MYPN: variants seen among roughly 807,000 people sequenced by gnomAD.
MYPN encodes the protein myopalladin, also known as sarcomeric protein myopalladin, 145 kDa (MYOP).
MYPN carries 63 observed loss-of-function variants against 129.4 expected under a neutral mutation model. That is an observed-to-expected ratio of 0.49 (90% CI 0.40 to 0.60). The LOEUF (loss-of-function observed/expected upper bound fraction) is 0.60. Ranked by LOEUF, MYPN falls within the 20% of genes least tolerant of loss-of-function variation. The probability of loss-of-function intolerance (pLI) is 0.00; values close to 1 mark genes in which losing one functional copy is unlikely to be tolerated. For missense variants in MYPN, 1,596 were observed against 1,635.4 expected (o/e 0.98, Z 0.42); for synonymous variants, 629 against 600.9 (o/e 1.05, Z -0.68).
intron 2 of MYPN, among the ~76,000 whole-genome samples, chr10:68,140,076 G>A (rs2042551632): frequency 6.6e-6 from 1 of 152,182 alleles, no homozygotes; most frequent in South Asian, 2.1e-4. Context: ...CGACATTTGA[G>A]CTGAGGTCTG....
chr10:68,146,610 T>C (rs991970182), intron 4 of MYPN, among the ~76,000 whole-genome samples: 1 of 152,252 alleles, frequency 6.6e-6, no homozygotes, highest in African/African-American at 2.4e-5. Flanking sequence ...CTTATTTACA[T>C]ACAAATCTGG....
intron 1 of MYPN, among the ~76,000 whole-genome samples, chr10:68,093,531 G>A (rs148380759): frequency 1.0e-4 from 15 of 144,824 alleles, no homozygotes; most frequent in Non-Finnish European, 1.5e-4. Context: ...GAGGTCAGCA[G>A]ATCGAGACCA....
chr10:68,114,022 G>C (rs1407239985), intron 1 of MYPN, among the ~76,000 whole-genome samples: 1 of 152,056 alleles, frequency 6.6e-6, no homozygotes, highest in Non-Finnish European at 1.5e-5. Context: ...CTGGAACTTT[G>C]TACCCTTTGA....
intron 12 of MYPN, among the ~76,000 whole-genome samples, chr10:68,176,288 C>T (rs2043226393): frequency 6.6e-6 from 1 of 152,158 alleles, no homozygotes; most frequent in South Asian, 2.1e-4. Flanking sequence ...ATAGACTGAA[C>T]GTTTTCTTAT....
chr10:68,153,624 T>C (rs1441743805), intron 6 of MYPN, among the ~76,000 whole-genome samples: 1 of 152,152 alleles, frequency 6.6e-6, no homozygotes, highest in Non-Finnish European at 1.5e-5. Context: ...GGATAGGCAG[T>C]GGCTCAGATT....
upstream of MYPN, among the ~76,000 whole-genome samples, chr10:68,105,128 G>A (rs1295859006): frequency 6.6e-6 from 1 of 152,092 alleles, no homozygotes; most frequent in African/African-American, 2.4e-5. Context: ...TCACAAATAT[G>A]TTGGAAATAT....
rs759310812 is a variant in MYPN, at chr10:68,143,133, T to C, written c.1078+18T>C. 4.3e-6 allele frequency: 7 copies of C among 1,610,996 alleles called. No individual in the cohort carries two copies. The highest frequency in any genetic ancestry group is 5.9e-6 in the Non-Finnish European group (7 of 1,177,578). On this transcript the variant is annotated intron_variant, in intron 3 of 19. Transcript: ENST00000358913. ...TATAGAAGGTAAAACAAAATGCTCTTGGAGTATGACACTTAATAGTAAGAC... is the reference window on the plus strand; with the variant it reads ...TATAGAAGGTAAAACAAAATGCTCTCGGAGTATGACACTTAATAGTAAGAC...
At position 68,182,417 on chromosome 10, in the gene MYPN, C is replaced by CATAT. The variant is rs374959374; in HGVS notation, c.2704-6482_2704-6479dup. Among the ~76,000 whole-genome samples the CATAT allele has an allele frequency of 9.1e-4, 78 of 86,002 alleles. 1 individual carries two copies. The highest frequency in any genetic ancestry group is 1.4e-3 in the Non-Finnish European group (53 of 37,120). 56.4% of individuals were successfully genotyped at this position (86,002 alleles called of 152,430 possible). On this transcript the variant is annotated intron_variant, in intron 12 of 19. Coordinates refer to ENST00000358913, the MANE Select transcript of MYPN (RefSeq NM_032578.4). Reference sequence around the variant, plus strand: ...ACATATATATAACACATATATATAACATATATATAACACATATATATAACA... The same window carrying CATAT: ...ACATATATATAACACATATATATAACATATATATATATAACACATATATATAACA...
intron 2 of MYPN, among the ~76,000 whole-genome samples, chr10:68,140,843 C>T (rs1018021223): frequency 3.9e-5 from 6 of 152,086 alleles, no homozygotes; most frequent in Non-Finnish European, 7.4e-5. Context: ...AAGGCCAAGG[C>T]GGATGAATCG....
rs751085897 is a variant in MYPN at position 68,121,849 on chromosome 10, G to C, written c.411G>C (p.Arg137Ser). Reference sequence around the variant, plus strand: ...AAGAAAGCCCCCAGGAGGCAAAAAGGCCACAGTATTGTTCTGAAACCCAGT... The same window carrying C: ...AAGAAAGCCCCCAGGAGGCAAAAAGCCCACAGTATTGTTCTGAAACCCAGT... Reference protein sequence around the residue: ...SSKESPQEAKRPQYCSETQSK... With the variant: ...SSKESPQEAKSPQYCSETQSK... Residue 137 changes from arginine to serine, a missense_variant, in exon 2 of 20, where the codon AGG becomes AGC. By Grantham distance (110) the Arg-to-Ser change is moderately radical. Transcript: ENST00000358913. 8 of 1,614,004 alleles carry C rather than the reference G, an allele frequency of 5.0e-6. No individual in the cohort carries two copies. In the East Asian group the frequency reaches 1.6e-4, roughly 31 times the overall value.
In MYPN at chr10:68,118,115, A is replaced by G. The variant is rs1321240358; in HGVS notation, c.-1-3323A>G. ...ATTTATCATAACCATAAACATAAGAACAGGTACATTAACACCTCAATTGGC... is the reference window on the plus strand; with the variant it reads ...ATTTATCATAACCATAAACATAAGAGCAGGTACATTAACACCTCAATTGGC... On this transcript the variant is annotated intron_variant, in intron 1 of 19. Transcript: ENST00000358913. 2.0e-5 allele frequency among the ~76,000 whole-genome samples: 3 copies of G among 152,298 alleles called. No homozygotes were observed. The East Asian group carries it at 5.8e-4, about 29-fold the overall frequency.
intron 10 of MYPN, 55 bp downstream of exon 10, chr10:68,166,721 T>C: frequency 1.9e-6 from 3 of 1,603,036 alleles, no homozygotes; most frequent in Non-Finnish European, 2.6e-6. Context: ...TTCTTGAATC[T>C]GATCTCCTTA....
Position 68,199,571 on chromosome 10 carries a change from A to G in MYPN, c.3489A>G (p.Val1163=). ...GQNSFSLELS[V]VAKEVKKAPV... ...ATTCTTTTAGTCTGGAGCTCTCTGT[A>G]GTAGGTAAGGTTTGCTGCTGGGACC... Residue 1163 remains valine (V), a synonymous_variant, in exon 17 of 20, where the codon GTA becomes GTG. Transcript: ENST00000358913. The G allele has an allele frequency of 6.3e-7, 1 of 1,595,726 alleles. No individual in the cohort carries two copies. The highest frequency in any genetic ancestry group is 8.5e-7 in the Non-Finnish European group (1 of 1,170,602).
intron 1 of MYPN, among the ~76,000 whole-genome samples, chr10:68,118,359 T>C (rs1280597648): frequency 1.3e-5 from 2 of 152,328 alleles, no homozygotes; most frequent in Non-Finnish European, 2.9e-5. Context: ...TTTTTTCATG[T>C]TTTACAGATG....
rs377389861 is a variant in MYPN at position 68,121,719 on chromosome 10, C to G, written c.281C>G (p.Thr94Ser). 5.0e-6 allele frequency: 8 copies of G among 1,614,084 alleles called. No homozygotes were observed. Among genetic ancestry groups the G allele is most frequent in the Non-Finnish European group, 6.8e-6 (8 of 1,180,034 alleles). ...GACCCTTTGGAGAAGGCAGATGAAA[C>G]TCAAGCTAGAAAACGACTTTCTCCT... The part of the protein sequence containing the change: ...NYDPLEKADE[T>S]QARKRLSPDQ... The change falls in exon 2 of 20, where the codon ACT becomes AGT. Residue 94 changes from threonine to serine, a missense_variant. Thr to Ser is a moderately conservative substitution (Grantham distance 58). Transcript: ENST00000358913.
rs147603740 is a variant in MYPN, at chr10:68,111,884, T to A, written c.-2+2161T>A. On this transcript the variant is annotated intron_variant, in intron 1 of 19. Coordinates refer to ENST00000358913, the MANE Select transcript of MYPN (RefSeq NM_032578.4). ...TGATCTTGAGATCCCTTGGGACACC[T>A]ACTGCTCTCTCAATCTAGCAAATGT... 2.0e-5 allele frequency among the ~76,000 whole-genome samples: 3 copies of A among 152,348 alleles called. No homozygotes were observed. The East Asian group carries it at 5.8e-4, about 29-fold the overall frequency.
upstream of MYPN, among the ~76,000 whole-genome samples, chr10:68,102,445 T>C (rs1270894336): frequency 6.6e-6 from 1 of 152,186 alleles, no homozygotes; most frequent in Non-Finnish European, 1.5e-5. Context: ...CTTATTTTTA[T>C]TACTTTCTCC....
At chr10:68,175,611 G>A in intron 12 of MYPN, 150 bp downstream of exon 12, 1 of 826,070 alleles carries the variant, frequency 1.2e-6, no homozygotes, top group Non-Finnish European at 2.0e-6. Flanking sequence ...GGTCATGTGA[G>A]AAACCTGCCT....
In MYPN at chr10:68,174,223, A is replaced by G. The variant is rs764944706; in HGVS notation, c.2131A>G (p.Lys711Glu). Residue 711 changes from lysine to glutamate, a missense_variant, in exon 11 of 20, where the codon AAG becomes GAG. Coordinates refer to ENST00000358913, the MANE Select transcript of MYPN (RefSeq NM_032578.4). ...GGTGACAACATCCAGTAAGCAGGTGAAGGCTCCTTCATCACAGACGTTCAG... is the reference window on the plus strand; with the variant it reads ...GGTGACAACATCCAGTAAGCAGGTGGAGGCTCCTTCATCACAGACGTTCAG... ...PAVTTSSKQV[K>E]APSSQTFSLA... The G allele has an allele frequency of 1.2e-6, 2 of 1,614,080 alleles. No individual in the cohort carries two copies. The highest frequency in any genetic ancestry group is 1.7e-5 in the Admixed American group (1 of 60,008).
Sources: allele counts gnomAD v4.1 joint callset (sites outside exome capture counted in the v4.1 genomes callset), GRCh38; gene constraint gnomAD v4.1.1; transcripts MANE v1.5; gene names NCBI Gene and HGNC (gene_info 2026-07-23, HGNC 2026-07-21).